The following ZNF75D variants were observed in gnomAD, a reference collection of about 807,000 sequenced individuals.
The protein encoded by ZNF75D is zinc finger protein 75.
ZNF75D carries 33 observed loss-of-function variants against 33.3 expected under a neutral mutation model. That is an observed-to-expected ratio of 0.99 (90% CI 0.75 to 1.32). ZNF75D has a LOEUF of 1.32. ZNF75D is among the 40% of genes most tolerant of loss of function. ZNF75D has a pLI of 0.00. For missense variants in ZNF75D, 338 were observed against 367.5 expected, an observed-to-expected ratio of 0.92 and a Z score of 0.66; for synonymous variants, 113 against 130.6, an observed-to-expected ratio of 0.87 and a Z score of 0.92.
intron 1 of ZNF75D, among the ~76,000 whole-genome samples, chrX:135,267,019 G>T (rs782814933): frequency 9.0e-6 from 1 of 111,437 alleles, no homozygotes. Flanking sequence ...AATGACCAGT[G>T]GGTCAATGAA....
At chrX:135,258,098 T>C (rs1172947372) in intron 1 of ZNF75D, among the ~76,000 whole-genome samples, 3 of 106,276 alleles carry the variant, frequency 2.8e-5, no homozygotes, top group African/African-American at 9.9e-5. Flanking sequence ...TTGCTGAGAA[T>C]GATGGTTTCC....
rs2083959886 is a variant in ZNF75D at position 135,286,801 on chromosome X, A to G, written c.*336T>C. On this transcript the variant is annotated 3_prime_UTR_variant, in exon 7 of 7. Transcript: ENST00000370766. ...AATGAGACTAAGAGCCTTGACTATC[A>G]TATGTCTGTTGAGCACTTGATACCT... 5.2e-6 allele frequency: 1 copy of G among 194,031 alleles called. No homozygotes were observed. The highest frequency in any genetic ancestry group is 1.2e-4 in the East Asian group (1 of 8,161). The allele number at this position is 194,031 out of a possible 1,213,427, so 16.0% of individuals were successfully genotyped here.
chrX:135,285,150 T>G (rs2083936416), downstream of ZNF75D, among the ~76,000 whole-genome samples: 1 of 111,793 alleles, frequency 8.9e-6, no homozygotes, highest in African/African-American at 3.3e-5. Flanking sequence ...CCTTTTGGCT[T>G]AGCACTTTCA....
intron 1 of ZNF75D, among the ~76,000 whole-genome samples, chrX:135,313,892 G>C (rs782015365): frequency 8.9e-5 from 10 of 111,770 alleles, no homozygotes; most frequent in Non-Finnish European, 1.7e-4. Flanking sequence ...TTTATTGGTG[G>C]AGTCTTTTAA....
At position 135,310,083 on chromosome X, in the gene ZNF75D, G is replaced by A. The variant is rs191347593; in HGVS notation, c.-390-14044C>T. On this transcript the variant is annotated intron_variant, in intron 1 of 6. Transcript: ENST00000370766. ...AACCTAATGCCTGTCCTAATGAAAA[G>A]ACATCGTTTAAGAGCAGACCAACAG... 5.3e-3 allele frequency among the ~76,000 whole-genome samples: 590 copies of A among 112,216 alleles called. 1 individual carries two copies. The highest frequency in any genetic ancestry group is 8.1e-3 in the Non-Finnish European group (430 of 53,187).
rs188847156 is a variant in ZNF75D at position 135,257,947 on chromosome X, G to A, written n.828-2170C>T. On this transcript the variant is annotated intron_variant and non_coding_transcript_variant, in intron 1 of 3. Transcript: ENST00000494295. ...ATTCACATTAGGTATTTCTCCTAAC[G>A]CTATTCCTCCCGGAGCCCCCCCACC... Among the ~76,000 whole-genome samples the A allele has an allele frequency of 9.3e-5, 10 of 107,676 alleles. No individual in the cohort carries two copies. In the East Asian group the frequency reaches 2.3e-3, roughly 24 times the overall value. The allele number at this position is 107,676 out of a possible 115,157, so 93.5% of individuals were successfully genotyped here.
intron 1 of ZNF75D, among the ~76,000 whole-genome samples, 184 bp downstream of exon 1, chrX:135,341,584 T>C (rs1016742852): frequency 1.8e-5 from 2 of 112,346 alleles, no homozygotes; most frequent in African/African-American, 6.5e-5. Flanking sequence ...AGAATCCTCA[T>C]ACTATTTCCC....
chrX:135,319,971 T>C (rs1556433483), intron 1 of ZNF75D, among the ~76,000 whole-genome samples: 2 of 112,611 alleles, frequency 1.8e-5, no homozygotes, highest in Non-Finnish European at 3.7e-5. Flanking sequence ...TTGACATATA[T>C]AACAAAAATG....
chrX:135,294,911 G>A (rs782132685), intron 2 of ZNF75D, among the ~76,000 whole-genome samples: 3 of 111,814 alleles, frequency 2.7e-5, no homozygotes, highest in South Asian at 7.5e-4. Flanking sequence ...GTACTTCTTC[G>A]AAAGACTTAT....
At chrX:135,259,108 T>C (rs1241028227) in intron 1 of ZNF75D, among the ~76,000 whole-genome samples, 1 of 111,682 alleles carries the variant, frequency 9.0e-6, no homozygotes, top group African/African-American at 3.3e-5. Context: ...TGGTTGTAAA[T>C]GTGTGGCGTT....
chrX:135,290,873 A>G (rs782063803), intron 6 of ZNF75D, 136 bp downstream of exon 6: 1 of 588,890 alleles, frequency 1.7e-6, no homozygotes, highest in Non-Finnish European at 2.6e-6. Flanking sequence ...TAATCCCTTT[A>G]TTTCCCATAC....
At chrX:135,304,159 C>T (rs2084255398) in intron 1 of ZNF75D, among the ~76,000 whole-genome samples, 1 of 111,758 alleles carries the variant, frequency 8.9e-6, no homozygotes, top group Middle Eastern at 4.2e-3. Flanking sequence ...CTTGAGAAGG[C>T]CATCTCTGGC....
At chrX:135,337,039 C>T (rs569262606) in intron 1 of ZNF75D, among the ~76,000 whole-genome samples, 2 of 111,784 alleles carry the variant, frequency 1.8e-5, no homozygotes, top group South Asian at 7.5e-4. Flanking sequence ...GCCCTTAACC[C>T]CACAGCACCT....
At chrX:135,283,848 G>A (rs781925670), downstream of ZNF75D, among the ~76,000 whole-genome samples, 11 of 111,707 alleles carry the variant, frequency 9.8e-5, no homozygotes, top group Admixed American at 1.0e-3. Context: ...AAAAGGTGGA[G>A]ACCTGAGTCT....
intron 1 of ZNF75D, among the ~76,000 whole-genome samples, chrX:135,340,687 G>A (rs1428871189): frequency 6.3e-5 from 7 of 111,938 alleles, no homozygotes; most frequent in African/African-American, 2.0e-4. Context: ...GAGTACAGGC[G>A]TAAGCCACTG....
intron 1 of ZNF75D, chrX:135,297,655 T>C (rs2084153097): frequency 8.9e-6 from 1 of 112,710 alleles, no homozygotes; most frequent in Non-Finnish European, 1.9e-5. Context: ...TATTGTAATT[T>C]TGAATAAGGT....
At chrX:135,306,290 C>CAT (rs1477560112) in intron 1 of ZNF75D, among the ~76,000 whole-genome samples, 3 of 32,586 alleles carry the variant, frequency 9.2e-5, no homozygotes, top group Admixed American at 4.4e-4. Context: ...GAGATACATA[C>CAT]ACACACACAC....
chrX:135,315,524 G>A (rs1418130165), intron 1 of ZNF75D, among the ~76,000 whole-genome samples: 7 of 112,168 alleles, frequency 6.2e-5, no homozygotes, highest in Non-Finnish European at 3.8e-5. Context: ...GTCTAACGCT[G>A]AGAGTGGGTG....
In ZNF75D at chrX:135,344,067, C is replaced by G. The variant is rs900489785; in HGVS notation, c.-2690G>C. ...TAGGACCAACGTTAGGGCTGCGTTTCCCGAACGACACCATTGTATCAAGCG... is the reference window on the plus strand; with the variant it reads ...TAGGACCAACGTTAGGGCTGCGTTTGCCGAACGACACCATTGTATCAAGCG... On this transcript the variant is annotated 5_prime_UTR_variant, in exon 1 of 7. Coordinates refer to ENST00000370766, the MANE Select transcript of ZNF75D (RefSeq NM_007131.5). The G allele has an allele frequency of 8.9e-6, 1 of 112,316 alleles. No homozygotes were observed. The highest frequency in any genetic ancestry group is 1.9e-5 in the Non-Finnish European group (1 of 53,248). The allele number at this position is 112,316 out of a possible 1,213,427, so 9.3% of individuals were successfully genotyped here.
Sources: gnomAD v4.1 joint callset for allele counts (sites outside exome capture counted in the v4.1 genomes callset) on GRCh38, gnomAD v4.1.1 for gene constraint, MANE v1.5 for transcripts, NCBI Gene and HGNC (gene_info 2026-07-23, HGNC 2026-07-21) for gene names.